GFM1: variants seen among roughly 807,000 people sequenced by gnomAD.
GFM1 encodes the protein G elongation factor mitochondrial 1, also known as elongation factor G, mitochondrial.
In GFM1, 62 loss-of-function variants were observed where a neutral mutation model predicts 96.2. The ratio of observed to expected loss-of-function variants is 0.64; its 90% confidence interval spans 0.53 to 0.80. The LOEUF (loss-of-function observed/expected upper bound fraction) is 0.80. Ranked by LOEUF, GFM1 falls within the 30% of genes least tolerant of loss-of-function variation. The pLI, the probability that GFM1 is intolerant of heterozygous loss-of-function variation, is 0.00. For missense variants in GFM1, 852 were observed against 916.6 expected (o/e 0.93, Z 0.91); for synonymous variants, 282 against 312.9 (o/e 0.90, Z 1.04).
At chr3:158,669,668 C>A in intron 13 of GFM1, 1 of 1,477,342 alleles carries the variant, frequency 6.8e-7, no homozygotes, top group South Asian at 1.2e-5. Context: ...TATTAATTAT[C>A]ATCTTTGAGA....
intron 13 of GFM1, 155 bp downstream of exon 13, chr3:158,666,541 T>C: frequency 8.4e-7 from 1 of 1,195,076 alleles, no homozygotes; most frequent in Middle Eastern, 1.9e-4. Context: ...AAGACATTTA[T>C]ATAAAGTGAC....
intron 13 of GFM1, among the ~76,000 whole-genome samples, chr3:158,678,047 G>C (rs929461774): frequency 3.3e-5 from 5 of 152,126 alleles, no homozygotes; most frequent in African/African-American, 9.7e-5. Context: ...TCTGCAAATG[G>C]AATAACAAAG....
intron 13 of GFM1, among the ~76,000 whole-genome samples, chr3:158,675,631 G>A (rs1379781933): frequency 6.6e-6 from 1 of 151,922 alleles, no homozygotes; most frequent in Admixed American, 6.5e-5. Flanking sequence ...AATATAAAAT[G>A]GTGTTTAAAT....
rs1726460063 is a variant in GFM1 at position 158,693,944 on chromosome 3, CTG to C, written c.*2480_*2481del. Among the ~76,000 whole-genome samples the C allele has an allele frequency of 1.3e-5, 2 of 152,060 alleles. No individual in the cohort carries two copies. The highest frequency in any genetic ancestry group is 4.1e-4 in the South Asian group (2 of 4,834). On this transcript the variant is annotated 3_prime_UTR_variant, in exon 18 of 18. Transcript: ENST00000486715. ...AAGCCCAAGACATGAAATGAAAAATCTGTGAAATTCAGGAGTGTCATATTGTA... is the reference window on the plus strand; with the variant it reads ...AAGCCCAAGACATGAAATGAAAAATCTGAAATTCAGGAGTGTCATATTGTA...
At position 158,690,518 on chromosome 3, in the gene GFM1, T is replaced by G. The variant is rs368691726; in HGVS notation, c.2070+195T>G. 1.7e-5 allele frequency: 10 copies of G among 583,580 alleles called. 1 individual carries two copies. Among genetic ancestry groups the G allele is most frequent in the East Asian group, 5.9e-5 (2 of 33,862 alleles). 36.2% of individuals were successfully genotyped at this position (583,580 alleles called of 1,614,324 possible). On this transcript the variant is annotated intron_variant, in intron 16 of 17. Transcript: ENST00000486715. ...AATAAGATTTATTTTATCTTGACCT[T>G]TTGTGAATGTGTCATTTTCTTAGAT... is the stretch of plus-strand genomic sequence containing the variant.
chr3:158,663,891 A>T (rs1053082682), intron 11 of GFM1, among the ~76,000 whole-genome samples: 1 of 152,204 alleles, frequency 6.6e-6, no homozygotes, highest in African/African-American at 2.4e-5. Context: ...AAATCGAATA[A>T]TGAAGTCTCC....
At chr3:158,646,334 G>A (rs759266378) in intron 3 of GFM1, 37 bp downstream of exon 3, 2 of 1,611,130 alleles carry the variant, frequency 1.2e-6, no homozygotes, top group Non-Finnish European at 1.7e-6. Flanking sequence ...AGCTTCTTTG[G>A]CAAAAGCACA....
At chr3:158,644,769 C>G (rs1458330571) in intron 1 of GFM1, 54 bp downstream of exon 1, 1 of 1,462,680 alleles carries the variant, frequency 6.8e-7, no homozygotes. Flanking sequence ...CTTGTGATCC[C>G]TTCTGGGCAA....
chr3:158,682,380 C>A, intron 14 of GFM1: 1 of 516,608 alleles, frequency 1.9e-6, no homozygotes, highest in East Asian at 3.3e-5. Flanking sequence ...TATTATGTTT[C>A]TGAATCATAG....
chr3:158,653,296 GT>G lies in GFM1; in HGVS notation c.841-10del. On this transcript the variant is annotated splice_polypyrimidine_tract_variant and intron_variant, in intron 6 of 17. Transcript: ENST00000486715. ...TTTTAACATTAACTACCATTAAATT[GT>G]TTTCTTTTGTAGCTAGCAATTCGAA... 6.2e-7 allele frequency: 1 copy of G among 1,606,176 alleles called. No individual in the cohort carries two copies. Among genetic ancestry groups the G allele is most frequent in the Non-Finnish European group, 8.5e-7 (1 of 1,174,060 alleles).
At position 158,665,456 on chromosome 3, in the gene GFM1, C is replaced by T. The variant is rs1723582445; in HGVS notation, c.1500C>T (p.His500=). 2 of 1,609,548 alleles carry T rather than the reference C, an allele frequency of 1.2e-6. No individual in the cohort carries two copies. Among genetic ancestry groups the T allele is most frequent in the African/African-American group, 1.3e-5 (1 of 74,772 alleles). Residue 500 remains histidine (H), a synonymous_variant, in exon 12 of 18, where the codon CAC becomes CAT. Transcript: ENST00000486715. The part of the protein sequence containing the change: ...ETVISGMGEL[H]LEIYAQRLER... ...TTATATCTGGAATGGGAGAATTACA[C>T]CTGGAAATCTATGCTCAGGTAATGA...
At chr3:158,648,090 G>A (rs1576724885) in intron 4 of GFM1, among the ~76,000 whole-genome samples, 1 of 151,910 alleles carries the variant, frequency 6.6e-6, no homozygotes, top group East Asian at 1.9e-4. Context: ...TTCAGCAATT[G>A]TGTACTTAAT....
chr3:158,682,033 G>A lies in GFM1; in HGVS notation c.1640G>A (p.Gly547Asp). The change falls in exon 14 of 18, where the codon GGC (glycine) becomes GAC (aspartate). Residue 547 changes from glycine (G) to aspartate (D), a missense_variant. Physicochemically the swap from Gly to Asp is moderately conservative, Grantham distance 94. Coordinates refer to ENST00000486715, the MANE Select transcript of GFM1 (RefSeq NM_024996.7). ...CATAAAAAACAATCAGGTGGTGCAG[G>A]CCAGTATGGAAAAGTAATAGGTGTC... ...FTHKKQSGGA[G>D]QYGKVIGVLE... The A allele has an allele frequency of 1.2e-6, 2 of 1,613,664 alleles. No homozygotes were observed. The highest frequency in any genetic ancestry group is 1.7e-6 in the Non-Finnish European group (2 of 1,179,820).
Position 158,693,406 on chromosome 3 carries a change from A to G in GFM1, c.*1939A>G, listed in dbSNP as rs1308708512. The G allele has an allele frequency of 6.6e-6, 1 of 152,208 alleles. No homozygotes were observed. The highest frequency in any genetic ancestry group is 1.5e-5 in the Non-Finnish European group (1 of 68,042). The allele number at this position is 152,208 out of a possible 1,614,324, so 9.4% of individuals were successfully genotyped here. A position where few individuals can be genotyped will look rare whatever the true frequency, so the allele number is the denominator to read the frequency against. Reference sequence around the variant, plus strand: ...AAACTTACTTATTTTTAATTTGTAAAACATCCTGGTTATAATGTTACAGTG... The same window carrying G: ...AAACTTACTTATTTTTAATTTGTAAGACATCCTGGTTATAATGTTACAGTG... On this transcript the variant is annotated 3_prime_UTR_variant, in exon 18 of 18. Coordinates refer to ENST00000486715, the MANE Select transcript of GFM1 (RefSeq NM_024996.7).
intron 4 of GFM1, among the ~76,000 whole-genome samples, chr3:158,648,789 C>G (rs1722055668): frequency 6.6e-6 from 1 of 151,144 alleles, no homozygotes; most frequent in South Asian, 2.1e-4. Flanking sequence ...TCCAGTGTAT[C>G]TGGGGATCTG....
At chr3:158,674,167 A>G (rs2731117) in intron 13 of GFM1, among the ~76,000 whole-genome samples, 148,818 of 150,400 alleles carry the variant, frequency 0.99, 73,634 homozygotes, top group East Asian at 1. Context: ...TGCAACCTCC[A>G]CCTCCCAGGT....
At chr3:158,687,119 C>T (rs1442553046) in intron 15 of GFM1, among the ~76,000 whole-genome samples, 2 of 152,058 alleles carry the variant, frequency 1.3e-5, no homozygotes, top group African/African-American at 4.8e-5. Context: ...TTCTCCATCT[C>T]AGCCTCCTGA....
Position 158,691,317 on chromosome 3 carries a change from C to A in GFM1, c.2125-19C>A. The A allele has an allele frequency of 6.2e-7, 1 of 1,611,288 alleles. No individual in the cohort carries two copies. The highest frequency in any genetic ancestry group is 8.5e-7 in the Non-Finnish European group (1 of 1,178,204). On this transcript the variant is annotated intron_variant, in intron 17 of 17. Transcript: ENST00000486715. ...CAAACAAACAAACAAAAAACCCTCT[C>A]TTTTTTTTAAATCCCTAGGGAAAGG...
intron 14 of GFM1, 150 bp from the exon 15 acceptor site, chr3:158,684,374 T>A: frequency 1.4e-6 from 1 of 738,208 alleles, no homozygotes; most frequent in Admixed American, 2.7e-5. Flanking sequence ...ATAGTAAAGT[T>A]GTTAAACATT....
Sources: allele counts gnomAD v4.1 joint callset (sites outside exome capture counted in the v4.1 genomes callset), GRCh38; gene constraint gnomAD v4.1.1; transcripts MANE v1.5; gene names NCBI Gene and HGNC (gene_info 2026-07-23, HGNC 2026-07-21).